Variants in NCAM2 observed in about 807,000 individuals in gnomAD.
NCAM2 encodes the protein N-CAM-2.
NCAM2 carries 30 observed loss-of-function variants against 98.1 expected under a neutral mutation model. The ratio of observed to expected loss-of-function variants is 0.31; its 90% CI spans 0.23 to 0.41. NCAM2 has a LOEUF of 0.41. Ranked by LOEUF, NCAM2 falls within the 10% of genes least tolerant of loss-of-function variation. NCAM2 has a pLI of 1.00. For missense variants in NCAM2, 867 were observed against 1,005.8 expected (o/e 0.86, Z 1.87); for synonymous variants, 368 against 342.4 (o/e 1.07, Z -0.83).
chr21:21,409,893 G>A (rs879583518), intron 9 of NCAM2, among the ~76,000 whole-genome samples: 2 of 152,048 alleles, frequency 1.3e-5, no homozygotes, highest in African/African-American at 4.8e-5. Flanking sequence ...GGCGGATCTC[G>A]AGGTCAGGAG....
At chr21:21,130,533 A>G (rs1601448768) in intron 1 of NCAM2, among the ~76,000 whole-genome samples, 1 of 152,292 alleles carries the variant, frequency 6.6e-6, no homozygotes, top group East Asian at 1.9e-4. Context: ...TGTATAACAA[A>G]GAAGTATATA....
At chr21:21,514,496 AAT>A (rs1193893181) in intron 16 of NCAM2, among the ~76,000 whole-genome samples, 276 of 131,332 alleles carry the variant, frequency 2.1e-3, no homozygotes, top group Admixed American at 4.9e-3. Context: ...AAAAAAAAAA[AAT>A]GTTTTCTCTG....
At chr21:21,255,067 A>G (rs2071617946) in intron 1 of NCAM2, among the ~76,000 whole-genome samples, 1 of 152,170 alleles carries the variant, frequency 6.6e-6, no homozygotes, top group Non-Finnish European at 1.5e-5. Context: ...GATAGAATAC[A>G]TACCAAGCTA....
intron 1 of NCAM2, among the ~76,000 whole-genome samples, chr21:21,208,388 G>A (rs558930478): frequency 9.1e-4 from 138 of 152,070 alleles, no homozygotes; most frequent in Non-Finnish European, 1.7e-3. Flanking sequence ...AGGGGAGGGT[G>A]GAATTGATGT....
rs554027065 is a variant in NCAM2, at chr21:21,113,806, A to G, written c.55+115188A>G. Among the ~76,000 whole-genome samples the G allele has an allele frequency of 2.6e-5, 4 of 151,296 alleles. No individual in the cohort carries two copies. The East Asian group carries it at 5.8e-4, about 22-fold the overall frequency. ...ATTTAAGATTATAAGGCTTAAAGCA[A>G]TGCCTCTTTTTTTTGATTGGCCTCA... is the stretch of plus-strand genomic sequence containing the variant. On this transcript the variant is annotated intron_variant, in intron 1 of 17. Transcript: ENST00000400546.
chr21:21,070,252 A>G (rs1233390177), intron 1 of NCAM2, among the ~76,000 whole-genome samples: 2 of 140,662 alleles, frequency 1.4e-5, no homozygotes, highest in Non-Finnish European at 3.1e-5. Context: ...ATATAACCTG[A>G]TATATGTACA....
chr21:21,281,427 T>G (rs2072925777), intron 2 of NCAM2, among the ~76,000 whole-genome samples: 1 of 152,140 alleles, frequency 6.6e-6, no homozygotes, highest in Non-Finnish European at 1.5e-5. Flanking sequence ...GAAATAGTTA[T>G]TTAGTCAGGA....
intron 1 of NCAM2, among the ~76,000 whole-genome samples, chr21:21,177,830 G>A (rs1569113220): frequency 6.7e-6 from 1 of 149,404 alleles, no homozygotes; most frequent in Non-Finnish European, 1.5e-5. Context: ...ACAATGAACT[G>A]GACACTTTCC....
intron 1 of NCAM2, among the ~76,000 whole-genome samples, chr21:21,234,235 C>G (rs1002098342): frequency 7.9e-5 from 12 of 151,580 alleles, no homozygotes; most frequent in Non-Finnish European, 1.5e-4. Flanking sequence ...TGGAAGTACT[C>G]TAGTTAATGC....
chr21:21,162,317 C>T (rs958030362), intron 1 of NCAM2, among the ~76,000 whole-genome samples: 10 of 150,288 alleles, frequency 6.7e-5, no homozygotes, highest in East Asian at 1.9e-4. Flanking sequence ...ACAACTCTAC[C>T]GGCAAGTTAA....
chr21:21,205,744 A>G (rs887367219), intron 1 of NCAM2, among the ~76,000 whole-genome samples: 6 of 152,180 alleles, frequency 3.9e-5, no homozygotes, highest in Non-Finnish European at 7.4e-5. Context: ...TATAAGCAGC[A>G]GAGATGTATT....
intron 1 of NCAM2, among the ~76,000 whole-genome samples, chr21:21,276,381 A>G (rs8134991): frequency 0.73 from 110,648 of 151,886 alleles, 40,493 homozygotes; most frequent in South Asian, 0.82. Context: ...TAAGATTGTT[A>G]TTTCATGCAC....
chr21:21,172,141 G>A (rs1428604477), intron 1 of NCAM2, among the ~76,000 whole-genome samples: 3 of 151,224 alleles, frequency 2.0e-5, no homozygotes, highest in Non-Finnish European at 2.9e-5. Flanking sequence ...TATTTAATGG[G>A]CATTTGTTTC....
intron 1 of NCAM2, among the ~76,000 whole-genome samples, chr21:21,059,178 T>C (rs1952206285): frequency 6.6e-6 from 1 of 152,032 alleles, no homozygotes; most frequent in South Asian, 2.1e-4. Context: ...TTTGATTCAG[T>C]GTACAGTATT....
chr21:21,530,778 T>C (rs1430296860), intron 16 of NCAM2, among the ~76,000 whole-genome samples: 1 of 151,984 alleles, frequency 6.6e-6, no homozygotes, highest in Non-Finnish European at 1.5e-5. Flanking sequence ...TTCAATATTT[T>C]TATAATGGAC....
chr21:21,357,059 G>A (rs1253420124), intron 8 of NCAM2, among the ~76,000 whole-genome samples: 1 of 151,862 alleles, frequency 6.6e-6, no homozygotes, highest in Non-Finnish European at 1.5e-5. Context: ...CAATTTAAGA[G>A]GGGAGATGAA....
intron 9 of NCAM2, among the ~76,000 whole-genome samples, chr21:21,390,818 T>C (rs2076364699): frequency 6.6e-6 from 1 of 152,190 alleles, no homozygotes; most frequent in Admixed American, 6.5e-5. Flanking sequence ...TGTAAAATTG[T>C]GCTTTTTTAT....
intron 1 of NCAM2, among the ~76,000 whole-genome samples, chr21:21,024,167 A>G (rs915337566): frequency 1.3e-5 from 2 of 152,258 alleles, no homozygotes; most frequent in African/African-American, 2.4e-5. Context: ...ATGTGTGTGC[A>G]TGAATGCTGA....
chr21:21,056,073 T>G (rs1182769016), intron 1 of NCAM2, among the ~76,000 whole-genome samples: 2 of 152,042 alleles, frequency 1.3e-5, no homozygotes, highest in Non-Finnish European at 2.9e-5. Flanking sequence ...GGCTTAAGCA[T>G]TTTTTATTTG....
Sources: allele counts gnomAD v4.1 joint callset (sites outside exome capture counted in the v4.1 genomes callset), GRCh38; gene constraint gnomAD v4.1.1; transcripts MANE v1.5; gene names NCBI Gene and HGNC (gene_info 2026-07-23, HGNC 2026-07-21).